Variants in KLF13 observed in about 807,000 individuals in gnomAD.
KLF13 encodes the protein KLF transcription factor 13, also known as Krueppel-like factor 13.
Under a neutral mutation model 16.7 loss-of-function variants are expected in KLF13, and 8 were observed. That is an observed-to-expected ratio of 0.48 (90% confidence interval 0.28 to 0.87). The LOEUF is 0.87. KLF13 is among the 40% of genes least tolerant of loss of function. KLF13 has a pLI of 0.10. For missense variants in KLF13, 447 were observed against 452.2 expected (o/e 0.99, Z 0.10); for synonymous variants, 245 against 208.4 (o/e 1.18, Z -1.51).
intron 1 of KLF13, among the ~76,000 whole-genome samples, chr15:31,354,167 G>A (rs1378850166): frequency 6.6e-6 from 1 of 152,020 alleles, no homozygotes; most frequent in Non-Finnish European, 1.5e-5. Context: ...TGACAGCAAT[G>A]TCCAGTCCAG....
chr15:31,371,908 G>A (rs887195328), intron 1 of KLF13, 102 bp from the exon 2 acceptor site: 211 of 1,290,568 alleles, frequency 1.6e-4, no homozygotes, highest in South Asian at 4.9e-4. Context: ...TGTGGGAGGG[G>A]TGTTGAGAGA....
At chr15:31,348,966 T>C (rs1393899475) in intron 1 of KLF13, among the ~76,000 whole-genome samples, 2 of 152,032 alleles carry the variant, frequency 1.3e-5, no homozygotes, top group Non-Finnish European at 2.9e-5. Flanking sequence ...ACTAATCCCA[T>C]AAGGAGGGCC....
chr15:31,407,035 C>T (rs377757926), downstream of KLF13, among the ~76,000 whole-genome samples: 1 of 152,154 alleles, frequency 6.6e-6, no homozygotes. Context: ...TTCGTAGGTT[C>T]CAGGGATTAG....
chr15:31,365,502 C>T (rs560885021), intron 1 of KLF13, among the ~76,000 whole-genome samples: 6 of 151,502 alleles, frequency 4.0e-5, no homozygotes, highest in East Asian at 2.0e-4. Context: ...AGCTTGGTAC[C>T]GGGCATTGGA....
rs2039669031 is a variant in KLF13, at chr15:31,377,528, G to C, written c.*5229G>C. Reference sequence around the variant, plus strand: ...CAACCCCTTCCCATCCAAAGCCATTGGTGGAGCTTCTCTGGAATCATTTGC... The same window carrying C: ...CAACCCCTTCCCATCCAAAGCCATTCGTGGAGCTTCTCTGGAATCATTTGC... On this transcript the variant is annotated 3_prime_UTR_variant, in exon 2 of 2. Coordinates refer to ENST00000307145, the MANE Select transcript of KLF13 (RefSeq NM_015995.4). The C allele has an allele frequency of 6.6e-6, 1 of 152,664 alleles. No homozygotes were observed. The highest frequency in any genetic ancestry group is 2.1e-4 in the South Asian group (1 of 4,828). The allele number at this position is 152,664 out of a possible 1,614,324, so 9.5% of individuals were successfully genotyped here.
At chr15:31,433,995 T>G (rs1365680025) in intron 1 of KLF13, among the ~76,000 whole-genome samples, 1 of 151,992 alleles carries the variant, frequency 6.6e-6, no homozygotes, top group Non-Finnish European at 1.5e-5. Context: ...ACCTGCCAGA[T>G]GTAGGAAATC....
chr15:31,332,360 C>T (rs2038847954), intron 1 of KLF13, among the ~76,000 whole-genome samples: 1 of 152,220 alleles, frequency 6.6e-6, no homozygotes, highest in South Asian at 2.1e-4. Context: ...AAAACAGTAC[C>T]AGCAAAACCA....
chr15:31,356,177 C>T (rs1257352849), intron 1 of KLF13, among the ~76,000 whole-genome samples: 3 of 152,180 alleles, frequency 2.0e-5, no homozygotes, highest in Non-Finnish European at 4.4e-5. Context: ...CTTTCACCCT[C>T]CTCCCTCCCC....
chr15:31,422,974 T>A (rs901356211), intron 1 of KLF13, among the ~76,000 whole-genome samples: 3 of 150,904 alleles, frequency 2.0e-5, no homozygotes, highest in Admixed American at 6.6e-5. Context: ...GAGACAGAGG[T>A]TGCAGTGAGC....
chr15:31,378,757 C>T (rs1413305920), downstream of KLF13, among the ~76,000 whole-genome samples: 3 of 152,116 alleles, frequency 2.0e-5, no homozygotes, highest in Admixed American at 6.6e-5. Flanking sequence ...TCGTTGCTGT[C>T]GCCGAGGCTG....
intron 1 of KLF13, among the ~76,000 whole-genome samples, chr15:31,427,685 G>T (rs1460213270): frequency 2.6e-5 from 4 of 152,204 alleles, no homozygotes; most frequent in Non-Finnish European, 4.4e-5. Context: ...AAGAAGAAAA[G>T]TTTAATTGCC....
chr15:31,394,748 GTTAA>G (rs957510737), intron 2 of KLF13, among the ~76,000 whole-genome samples: 95 of 152,240 alleles, frequency 6.2e-4, no homozygotes, highest in African/African-American at 2.2e-3. Flanking sequence ...CATTACCACA[GTTAA>G]TTATAGAATA....
downstream of KLF13, among the ~76,000 whole-genome samples, chr15:31,380,639 G>A (rs1044299511): frequency 1.3e-5 from 2 of 152,170 alleles, no homozygotes; most frequent in Non-Finnish European, 1.5e-5. Flanking sequence ...GGGGACATGG[G>A]TGGCTCAATT....
intron 2 of KLF13, among the ~76,000 whole-genome samples, chr15:31,395,227 A>G (rs2039938750): frequency 1.3e-5 from 2 of 152,112 alleles, no homozygotes; most frequent in South Asian, 4.1e-4. Context: ...TGATTTGCCC[A>G]CTTCTGCCTC....
intron 1 of KLF13, among the ~76,000 whole-genome samples, chr15:31,335,621 T>C (rs1318563714): frequency 6.6e-6 from 1 of 152,152 alleles, no homozygotes; most frequent in African/African-American, 2.4e-5. Context: ...CTGTTTATTG[T>C]TCTCCATTTT....
At chr15:31,393,925 G>C (rs935753615) in intron 2 of KLF13, among the ~76,000 whole-genome samples, 1 of 152,144 alleles carries the variant, frequency 6.6e-6, no homozygotes, top group Non-Finnish European at 1.5e-5. Context: ...ACAGGCAGCG[G>C]CATCTGCCAA....
intron 1 of KLF13, among the ~76,000 whole-genome samples, chr15:31,338,639 A>T (rs1223979043): frequency 1.3e-5 from 2 of 152,086 alleles, no homozygotes; most frequent in Non-Finnish European, 2.9e-5. Context: ...GCCAAGCCAG[A>T]GGGTGTGTAC....
chr15:31,371,990 C>A lies in KLF13; in HGVS notation c.578-20C>A. On this transcript the variant is annotated intron_variant, in intron 1 of 1. Coordinates refer to ENST00000307145, the MANE Select transcript of KLF13 (RefSeq NM_015995.4). ...GCGGGGCCAGGTGCGGATACTGATG[C>A]TCTGCCCCTGTGCCCACAGGTGAGA... 1.3e-6 allele frequency: 2 copies of A among 1,584,934 alleles called. No individual in the cohort carries two copies. The highest frequency in any genetic ancestry group is 1.7e-6 in the Non-Finnish European group (2 of 1,165,644).
At chr15:31,393,908 T>TG (rs899596169) in intron 2 of KLF13, among the ~76,000 whole-genome samples, 11 of 151,372 alleles carry the variant, frequency 7.3e-5, no homozygotes, top group Non-Finnish European at 1.3e-4. Flanking sequence ...GGTGGAGAGG[T>TG]GGGGGGACAG....
Sources: gnomAD v4.1 joint callset for allele counts (sites outside exome capture counted in the v4.1 genomes callset) on GRCh38, gnomAD v4.1.1 for gene constraint, MANE v1.5 for transcripts, NCBI Gene and HGNC (gene_info 2026-07-23, HGNC 2026-07-21) for gene names.